The following LINGO1 variants were observed in gnomAD, a reference collection of about 807,000 sequenced individuals.
LINGO1 encodes the protein leucine rich repeat and Ig domain containing 1, also known as leucine-rich repeat and immunoglobulin-like domain-containing nogo receptor-interacting protein 1.
LINGO1 carries 11 observed loss-of-function variants against 37.3 expected under a neutral mutation model. That is an observed-to-expected ratio of 0.29 (90% CI 0.19 to 0.49). The LOEUF (loss-of-function observed/expected upper bound fraction) is 0.49. Among genes scored for constraint, LINGO1 ranks in the 20% least tolerant of loss-of-function variants. LINGO1 has a pLI of 0.99. For synonymous variants in LINGO1, 387 were observed against 403.0 expected (o/e 0.96, Z 0.48); for missense variants, 585 against 878.2 (o/e 0.67, Z 4.22).
At chr15:77,812,874 C>A (rs1036710004) in intron 1 of LINGO1, among the ~76,000 whole-genome samples, 8 of 152,224 alleles carry the variant, frequency 5.3e-5, no homozygotes, top group African/African-American at 1.9e-4. Flanking sequence ...GTCTCAGGAG[C>A]AAAGCAACCC....
upstream of LINGO1, among the ~76,000 whole-genome samples, chr15:77,635,472 C>T (rs911165524): frequency 6.6e-6 from 1 of 152,086 alleles, no homozygotes; most frequent in Non-Finnish European, 1.5e-5. Context: ...CCTCTCCTGT[C>T]GGGTGGGGTG....
rs948159246 is a variant in LINGO1, at chr15:77,764,944, C to T, written c.-257+21925G>A. Among the ~76,000 whole-genome samples, 6 of 152,296 alleles carry T rather than the reference C, an allele frequency of 3.9e-5. No homozygotes were observed. In the South Asian group the frequency reaches 6.2e-4, roughly 16 times the overall value. ...TCCATGTGGATGTGCAGATGAACCA[C>T]GGCAGATTGAAGGCATGCATTGCAT... On this transcript the variant is annotated intron_variant, in intron 1 of 3. Transcript: ENST00000561686.
chr15:77,757,684 G>C (rs1427588117), intron 1 of LINGO1, among the ~76,000 whole-genome samples: 2 of 152,222 alleles, frequency 1.3e-5, no homozygotes, highest in Non-Finnish European at 1.5e-5. Flanking sequence ...TGCGGGGACA[G>C]GGCAAAGAGA....
In LINGO1 at chr15:77,632,269, G is replaced by A. The variant is rs2074277735; in HGVS notation, c.6+41C>T. 3 of 1,390,530 alleles carry A rather than the reference G, an allele frequency of 2.2e-6. No individual in the cohort carries two copies. The highest frequency in any genetic ancestry group is 6.0e-5 in the Admixed American group (2 of 33,178). The allele number at this position is 1,390,530 out of a possible 1,614,324, so 86.1% of individuals were successfully genotyped here. On this transcript the variant is annotated intron_variant, in intron 1 of 1. Coordinates refer to ENST00000355300, the MANE Select transcript of LINGO1 (RefSeq NM_032808.7). The surrounding 1 kb of genome is among the most constrained non-coding windows in gnomAD (Gnocchi z 6.0). ...GCGGCCCCCAGGGGCACTCGCCGCGGGGCTGCCCGCTCGGGGCTCGGCCGC... is the reference window on the plus strand; with the variant it reads ...GCGGCCCCCAGGGGCACTCGCCGCGAGGCTGCCCGCTCGGGGCTCGGCCGC...
chr15:77,731,540 G>A (rs1444914462), intron 2 of LINGO1, among the ~76,000 whole-genome samples: 3 of 152,066 alleles, frequency 2.0e-5, no homozygotes, highest in Non-Finnish European at 4.4e-5. Flanking sequence ...TTTTTCATAG[G>A]GAAACAGGGA....
At chr15:77,772,767 A>C (rs1051888984) in intron 1 of LINGO1, among the ~76,000 whole-genome samples, 2 of 152,068 alleles carry the variant, frequency 1.3e-5, no homozygotes, top group African/African-American at 2.4e-5. Context: ...TAAAGCCAGA[A>C]AAGCCCTCTT....
intron 3 of LINGO1, chr15:77,641,699 A>G: frequency 2.6e-6 from 1 of 377,388 alleles, no homozygotes; most frequent in Non-Finnish European, 5.3e-6. Flanking sequence ...GTCTCCCACC[A>G]TCTTGACCCA....
At chr15:77,804,393 G>T (rs2076942751) in intron 1 of LINGO1, among the ~76,000 whole-genome samples, 1 of 152,182 alleles carries the variant, frequency 6.6e-6, no homozygotes, top group Non-Finnish European at 1.5e-5. Context: ...AGATCCCTGT[G>T]TGAGTCCCTA....
chr15:77,816,539 T>C (rs1354461587), intron 1 of LINGO1, among the ~76,000 whole-genome samples: 3 of 150,916 alleles, frequency 2.0e-5, no homozygotes, highest in East Asian at 3.9e-4. Flanking sequence ...AAAACACAAA[T>C]ATAGCAGGGT....
At chr15:77,641,938 T>A (rs1428716838) in intron 3 of LINGO1, 1 of 456,690 alleles carries the variant, frequency 2.2e-6, no homozygotes, top group Non-Finnish European at 4.4e-6. Flanking sequence ...GGAAGCCACC[T>A]GTTGGCGGAG....
intron 1 of LINGO1, among the ~76,000 whole-genome samples, chr15:77,782,246 CG>C (rs2076726734): frequency 6.6e-6 from 1 of 150,386 alleles, no homozygotes; most frequent in Admixed American, 6.7e-5. Flanking sequence ...CACACACACA[CG>C]TGCCCGCATA....
intron 2 of LINGO1, among the ~76,000 whole-genome samples, chr15:77,733,659 G>C (rs1184854610): frequency 6.6e-6 from 1 of 152,232 alleles, no homozygotes; most frequent in Non-Finnish European, 1.5e-5. Flanking sequence ...CTGTTGCTAA[G>C]ATTAATGAGC....
At chr15:77,624,163 CTGTGTGTGTG>C (rs56162459) in intron 1 of LINGO1, among the ~76,000 whole-genome samples, 23,574 of 131,800 alleles carry the variant, frequency 0.18, 4,233 homozygotes, top group African/African-American at 0.47. Flanking sequence ...TGAGTGGCCT[CTGTGTGTGTG>C]TGTGTGTGTG....
intron 2 of LINGO1, among the ~76,000 whole-genome samples, chr15:77,706,109 C>G: frequency 6.6e-6 from 1 of 152,170 alleles, no homozygotes; most frequent in African/African-American, 2.4e-5. Flanking sequence ...ATCCTGATAT[C>G]CTCACCATCT....
At chr15:77,615,939 A>AG in intron 1 of LINGO1, 39 bp from the exon 2 acceptor site, 2 of 1,409,548 alleles carry the variant, frequency 1.4e-6, no homozygotes, top group Non-Finnish European at 1.9e-6. Flanking sequence ...GGTGGCGGTT[A>AG]GGGGGCAGTG....
At chr15:77,661,596 C>A (rs1365308667) in intron 3 of LINGO1, among the ~76,000 whole-genome samples, 1 of 152,224 alleles carries the variant, frequency 6.6e-6, no homozygotes, top group Non-Finnish European at 1.5e-5. Flanking sequence ...GGCCACCATC[C>A]CTGAGAGGGC....
intron 1 of LINGO1, among the ~76,000 whole-genome samples, chr15:77,778,144 CT>C (rs1456166161): frequency 6.6e-6 from 1 of 152,216 alleles, no homozygotes; most frequent in Admixed American, 6.5e-5. Context: ...CCTCTTCCAG[CT>C]TTTGGTGACC....
At chr15:77,807,410 T>C (rs72730744) in intron 1 of LINGO1, among the ~76,000 whole-genome samples, 12,552 of 152,288 alleles carry the variant, frequency 0.082, 562 homozygotes, top group Middle Eastern at 0.15. Flanking sequence ...ACACCCATTA[T>C]GTGTCAGGCT....
intron 2 of LINGO1, among the ~76,000 whole-genome samples, chr15:77,706,287 C>T (rs1186900959): frequency 1.3e-5 from 2 of 152,232 alleles, no homozygotes; most frequent in Non-Finnish European, 2.9e-5. Flanking sequence ...GGGCCAGGCC[C>T]ACCACGGCCT....
Sources: allele counts gnomAD v4.1 joint callset (sites outside exome capture counted in the v4.1 genomes callset), GRCh38; gene constraint gnomAD v4.1.1; non-coding constraint Gnocchi (gnomAD v3.1); transcripts MANE v1.5; gene names NCBI Gene and HGNC (gene_info 2026-07-23, HGNC 2026-07-21).